Variants in MCC observed in about 807,000 individuals in gnomAD.
MCC encodes MCC regulator of Wnt signaling pathway, also known as colorectal mutant cancer protein.
A neutral mutation model predicts 116.2 loss-of-function variants in MCC; 90 were observed. The observed-to-expected ratio is 0.77, with a 90% CI of 0.65 to 0.92. MCC has a LOEUF of 0.92. Among genes scored for constraint, MCC ranks in the 40% least tolerant of loss-of-function variants. The pLI is 0.00. For missense variants in MCC, 1,516 were observed against 1,312.2 expected, an observed-to-expected ratio of 1.16 and a Z score of -2.40; for synonymous variants, 578 against 510.5, an observed-to-expected ratio of 1.13 and a Z score of -1.78.
intron 8 of MCC, among the ~76,000 whole-genome samples, chr5:113,094,524 G>A (rs1314337860): frequency 2.0e-5 from 3 of 151,526 alleles, no homozygotes; most frequent in African/African-American, 7.3e-5. Flanking sequence ...GGGTTCAAGC[G>A]ATTTTCCTGC....
At chr5:113,354,538 G>A (rs1428763794) in intron 2 of MCC, among the ~76,000 whole-genome samples, 2 of 150,708 alleles carry the variant, frequency 1.3e-5, no homozygotes, top group East Asian at 1.9e-4. Flanking sequence ...GGGATCAAGC[G>A]ATTGTCCTGT....
chr5:113,052,688 T>C (rs6594666), intron 15 of MCC, among the ~76,000 whole-genome samples: 148,897 of 152,258 alleles, frequency 0.98, 72,815 homozygotes, highest in East Asian at 1. Context: ...GTACTGATCC[T>C]AATAGGAGCC....
At chr5:113,081,581 G>T (rs532637401) in intron 11 of MCC, among the ~76,000 whole-genome samples, 1 of 152,196 alleles carries the variant, frequency 6.6e-6, no homozygotes, top group African/African-American at 2.4e-5. Flanking sequence ...TCACTAAATC[G>T]AGGTCCCCCT....
chr5:113,206,274 TTTCCCC>T (rs1249941448), intron 3 of MCC, among the ~76,000 whole-genome samples: 1 of 152,156 alleles, frequency 6.6e-6, no homozygotes, highest in African/African-American at 2.4e-5. Context: ...CCTTGGGATG[TTTCCCC>T]CTAACTGGAA....
At chr5:113,415,792 C>T (rs1043205092) in intron 1 of MCC, among the ~76,000 whole-genome samples, 48 of 152,202 alleles carry the variant, frequency 3.2e-4, no homozygotes, top group African/African-American at 1.0e-3. Context: ...AGTCATTCTC[C>T]GTCCAGCTTT....
chr5:113,125,108 A>C (rs57044242), intron 5 of MCC, among the ~76,000 whole-genome samples: 14,066 of 152,270 alleles, frequency 0.092, 923 homozygotes, highest in African/African-American at 0.18. Flanking sequence ...ATGAGGCTGG[A>C]GAGGCACTCA....
intron 16 of MCC, among the ~76,000 whole-genome samples, chr5:113,046,278 C>T (rs1249925620): frequency 2.0e-5 from 3 of 151,974 alleles, no homozygotes; most frequent in African/African-American, 4.8e-5. Flanking sequence ...CTGCAACTTC[C>T]GCCTCCCAGG....
intron 3 of MCC, among the ~76,000 whole-genome samples, chr5:113,227,407 C>G (rs1284297150): frequency 6.6e-6 from 1 of 152,184 alleles, no homozygotes; most frequent in Non-Finnish European, 1.5e-5. Flanking sequence ...CTCAAACACC[C>G]ATTTTCCACA....
intron 3 of MCC, among the ~76,000 whole-genome samples, chr5:113,229,788 C>T (rs1361551705): frequency 1.3e-5 from 2 of 152,168 alleles, no homozygotes; most frequent in Non-Finnish European, 2.9e-5. Flanking sequence ...GTACTCAGTA[C>T]TCAGTACAGT....
In MCC at chr5:113,151,404, C is replaced by T. The variant is rs1353702331; in HGVS notation, c.646G>A (p.Ala216Thr). Residue 216 changes from alanine (A) to threonine (T), a missense_variant, in exon 4 of 19, where the codon GCA becomes ACA. Ala to Thr is a moderately conservative substitution (Grantham distance 58). Coordinates refer to ENST00000408903, the MANE Select transcript of MCC (RefSeq NM_001085377.2). ...LANTLHSAAL[A>T]SLKGDIVELN... is the part of the protein sequence containing the mutation. ...TCCACTATATCTCCCTTTAGTGATG[C>T]CAGGGCTGCTGAATGGAGCTGTGGT... is the stretch of plus-strand genomic sequence containing the variant. The T allele has an allele frequency of 5.0e-6, 8 of 1,609,744 alleles. No homozygotes were observed. The highest frequency in any genetic ancestry group is 6.8e-6 in the Non-Finnish European group (8 of 1,176,602).
rs192859239 is a variant in MCC, at chr5:113,078,956, A to C, written c.1784+3904T>G. Among the ~76,000 whole-genome samples, 255 of 152,320 alleles carry C rather than the reference A, an allele frequency of 1.7e-3. 1 individual carries two copies. The highest frequency in any genetic ancestry group is 5.1e-3 in the African/African-American group (214 of 41,584). On this transcript the variant is annotated intron_variant, in intron 11 of 18. Transcript: ENST00000408903. Reference sequence around the variant, plus strand: ...TCCTTAAGCTGATAAGCAACTTCAGAAAAGTCTCAGGATACAAAATCAACC... The same window carrying C: ...TCCTTAAGCTGATAAGCAACTTCAGCAAAGTCTCAGGATACAAAATCAACC...
chr5:113,307,193 G>A (rs1042096046), intron 3 of MCC, among the ~76,000 whole-genome samples: 4 of 152,290 alleles, frequency 2.6e-5, no homozygotes, highest in East Asian at 1.9e-4. Flanking sequence ...CAAGTAGACA[G>A]ATGAAATTTT....
At chr5:113,308,567 A>G (rs1767051657) in intron 3 of MCC, among the ~76,000 whole-genome samples, 1 of 152,168 alleles carries the variant, frequency 6.6e-6, no homozygotes, top group Admixed American at 6.5e-5. Context: ...TCATGCCAAT[A>G]ATCCCACCAC....
At position 113,178,442 on chromosome 5, in the gene MCC, G is replaced by T. The variant is rs1761449398; in HGVS notation, c.628-27020C>A. ...AGAAAGAGCAAACAAGGGTAGATGG[G>T]GGATTGCCAGGGCAGAAGATTTATT... is the stretch of plus-strand genomic sequence containing the variant. On this transcript the variant is annotated intron_variant, in intron 3 of 18. Transcript: ENST00000408903. Among the ~76,000 whole-genome samples the T allele has an allele frequency of 1.3e-5, 2 of 152,142 alleles. 1 individual carries two copies. The highest frequency in any genetic ancestry group is 2.9e-5 in the Non-Finnish European group (2 of 68,022).
At chr5:113,117,297 T>C (rs766657770) in intron 6 of MCC, among the ~76,000 whole-genome samples, 1 of 152,166 alleles carries the variant, frequency 6.6e-6, no homozygotes, top group Non-Finnish European at 1.5e-5. Context: ...ATCAAACATA[T>C]TTCACAGTCA....
At chr5:113,302,466 T>A (rs1247898114) in intron 3 of MCC, among the ~76,000 whole-genome samples, 2 of 152,222 alleles carry the variant, frequency 1.3e-5, no homozygotes, top group Non-Finnish European at 2.9e-5. Context: ...AAATTATGAA[T>A]TGTGAAAATT....
At chr5:113,393,544 A>G (rs1281533676) in intron 1 of MCC, among the ~76,000 whole-genome samples, 1 of 152,146 alleles carries the variant, frequency 6.6e-6, no homozygotes, top group African/African-American at 2.4e-5. Context: ...GAGTGGAATT[A>G]CTCATTGTTA....
At chr5:113,461,983 A>C (rs1771757240) in intron 1 of MCC, among the ~76,000 whole-genome samples, 1 of 152,248 alleles carries the variant, frequency 6.6e-6, no homozygotes, top group Non-Finnish European at 1.5e-5. Flanking sequence ...TCTTTAGGAC[A>C]CTGTGAATGT....
chr5:113,193,963 G>A (rs1352896098), intron 3 of MCC, among the ~76,000 whole-genome samples: 2 of 151,998 alleles, frequency 1.3e-5, no homozygotes, highest in Non-Finnish European at 2.9e-5. Context: ...TTTTTGTCCA[G>A]TACCACACCT....
Sources: gnomAD v4.1 joint callset for allele counts (sites outside exome capture counted in the v4.1 genomes callset) on GRCh38, gnomAD v4.1.1 for gene constraint, MANE v1.5 for transcripts, NCBI Gene and HGNC (gene_info 2026-07-23, HGNC 2026-07-21) for gene names.